Variants in KLF16 observed in about 807,000 individuals in gnomAD.
The protein encoded by KLF16 is KLF transcription factor 16.
Under a neutral mutation model 6.1 loss-of-function variants are expected in KLF16, and 6 were observed. The observed-to-expected ratio is 0.98, with a 90% CI of 0.54 to 1.93. The LOEUF is 1.93. KLF16 is among the 30% of genes most tolerant of loss of function. The pLI is 0.01. For synonymous variants in KLF16, 211 were observed against 176.5 expected, an observed-to-expected ratio of 1.20 and a Z score of -1.55; for missense variants, 355 against 363.8, an observed-to-expected ratio of 0.98 and a Z score of 0.20.
At position 1,857,851 on chromosome 19, in the gene KLF16, C is replaced by CTCCT. The variant is rs2011986512; in HGVS notation, c.458-3095_458-3092dup. Among the ~76,000 whole-genome samples, 1 of 152,036 alleles carries CTCCT rather than the reference C, an allele frequency of 6.6e-6. No homozygotes were observed. Among genetic ancestry groups the CTCCT allele is most frequent in the African/African-American group, 2.4e-5 (1 of 41,394 alleles). On this transcript the variant is annotated intron_variant, in intron 1 of 1. Coordinates refer to ENST00000250916, the MANE Select transcript of KLF16 (RefSeq NM_031918.4). The surrounding 1 kb of genome is among the most constrained non-coding windows in gnomAD (Gnocchi z 4.7). ...CTTACCCACCCAGGGAAGGGAGGAGCTCCTGAAGGTGATCCTTGAGCAGGT... is the reference window on the plus strand; with the variant it reads ...CTTACCCACCCAGGGAAGGGAGGAGCTCCTTCCTGAAGGTGATCCTTGAGCAGGT...
chr19:1,865,004 C>T (rs2012163448), upstream of KLF16, among the ~76,000 whole-genome samples: 2 of 152,220 alleles, frequency 1.3e-5, no homozygotes, highest in African/African-American at 4.8e-5. Context: ...CTTCTCTAGC[C>T]CCATCCCCCG....
At chr19:1,859,969 G>T (rs1296559720) in intron 1 of KLF16, among the ~76,000 whole-genome samples, 1 of 152,096 alleles carries the variant, frequency 6.6e-6, no homozygotes, top group African/African-American at 2.4e-5. Flanking sequence ...CCCAGAAAAC[G>T]ATCAGGCCCC....
chr19:1,864,922 G>A, upstream of KLF16, among the ~76,000 whole-genome samples: 1 of 152,224 alleles, frequency 6.6e-6, no homozygotes, highest in East Asian at 1.9e-4. Context: ...TCCAGGGGGC[G>A]GAGCTGCTTT....
Position 1,858,848 on chromosome 19 carries a change from G to T in KLF16, c.458-4088C>A, listed in dbSNP as rs550232184. On this transcript the variant is annotated intron_variant, in intron 1 of 1. Coordinates refer to ENST00000250916, the MANE Select transcript of KLF16 (RefSeq NM_031918.4). ...TGTTCCAGAAATGGTCTAAGCCAGG[G>T]TGGTGCCCCCCGCCCCCACAGCTCA... 5.3e-5 allele frequency among the ~76,000 whole-genome samples: 8 copies of T among 152,118 alleles called. No homozygotes were observed. In the East Asian group the frequency reaches 1.6e-3, roughly 29 times the overall value.
Position 1,863,423 on chromosome 19 carries a change from C to A in KLF16, c.75G>T (p.Val25=), listed in dbSNP as rs2012115337. Residue 25 remains valine (V), a synonymous_variant, in exon 1 of 2, where the codon GTG becomes GTT. Transcript: ENST00000250916. ...VLMAISSGAV[V]HRGRPGPEGA... is the part of the protein sequence containing the mutation. ...CCTCGGGGCCGGGCCGCCCGCGGTG[C>A]ACCACGGCGCCCGAAGAGATGGCCA... 25 of 1,019,288 alleles carry A rather than the reference C, an allele frequency of 2.5e-5. No homozygotes were observed. The highest frequency in any genetic ancestry group is 2.8e-5 in the Non-Finnish European group (24 of 852,756). The allele number at this position is 1,019,288 out of a possible 1,614,324, so 63.1% of individuals were successfully genotyped here.
chr19:1,876,134 A>G, the KLF16 span: 1 of 152,868 alleles, frequency 6.5e-6, no homozygotes, highest in South Asian at 2.0e-4. Context: ...CTTCGTCCAC[A>G]GCCTGACGCC....
chr19:1,865,349 TG>T (rs34501414), upstream of KLF16, among the ~76,000 whole-genome samples: 2 of 152,240 alleles, frequency 1.3e-5, no homozygotes, highest in African/African-American at 4.8e-5. Context: ...ATGGGCCACT[TG>T]GGCAGGTCCC....
At chr19:1,875,649 T>G in the KLF16 span, 1 of 152,252 alleles carries the variant, frequency 6.6e-6, no homozygotes, top group Non-Finnish European at 1.5e-5. Context: ...GAGTCCCAGC[T>G]CGCAGGGAGC....
At chr19:1,874,973 T>C in the KLF16 span, 15 of 152,292 alleles carry the variant, frequency 9.8e-5, no homozygotes, top group South Asian at 3.1e-3. Flanking sequence ...AACATAGATG[T>C]AACAGGAACA....
chr19:1,863,729 G>A (rs1481882324), upstream of KLF16, among the ~76,000 whole-genome samples: 5 of 141,116 alleles, frequency 3.5e-5, no homozygotes, highest in Non-Finnish European at 7.8e-5. Flanking sequence ...CGCCCCCTCG[G>A]GGCGCCGCAG....
chr19:1,859,527 G>C (rs2012020641), intron 1 of KLF16, among the ~76,000 whole-genome samples: 1 of 151,992 alleles, frequency 6.6e-6, no homozygotes, highest in Non-Finnish European at 1.5e-5. Flanking sequence ...ATTAAGTGCA[G>C]GGATTCACCT....
At chr19:1,867,079 G>T (rs545683627), upstream of KLF16, among the ~76,000 whole-genome samples, 1 of 152,356 alleles carries the variant, frequency 6.6e-6, no homozygotes, top group South Asian at 2.1e-4. Flanking sequence ...ACAGCACCCA[G>T]GTGTTGCTGG....
At position 1,857,015 on chromosome 19, in the gene KLF16, TCGGCGG is replaced by T. The variant is rs376550665; in HGVS notation, c.458-2261_458-2256del. Reference sequence around the variant, plus strand: ...TGGGAACACAGCTGCCGCACGTAGCTCGGCGGCGGCGGCGGGGACATCCGCAGCCCC... The same window carrying T: ...TGGGAACACAGCTGCCGCACGTAGCTCGGCGGCGGGGACATCCGCAGCCCC... On this transcript the variant is annotated intron_variant, in intron 1 of 1. Transcript: ENST00000250916. The surrounding 1 kb of genome is among the most constrained non-coding windows in gnomAD (Gnocchi z 4.7). Among the ~76,000 whole-genome samples the T allele has an allele frequency of 2.2e-5, 3 of 138,978 alleles. No homozygotes were observed. The Admixed American group carries it at 2.3e-4, about 10-fold the overall frequency. The allele number at this position is 138,978 out of a possible 152,430, so 91.2% of individuals were successfully genotyped here.
rs1181637081 is a variant in KLF16, at chr19:1,853,064, C to T, written c.*1395G>A. 3 of 152,202 alleles carry T rather than the reference C, an allele frequency of 2.0e-5. No individual in the cohort carries two copies. The highest frequency in any genetic ancestry group is 4.4e-5 in the Non-Finnish European group (3 of 68,076). The allele number at this position is 152,202 out of a possible 1,614,324, so 9.4% of individuals were successfully genotyped here. A position where few individuals can be genotyped will look rare whatever the true frequency, so the allele number is the denominator to read the frequency against. On this transcript the variant is annotated 3_prime_UTR_variant, in exon 2 of 2. Transcript: ENST00000250916. ...CTGACATGGAACCGGGGACCCTTCT[C>T]ATTCCAGGCTGGGGGTCCTCAATAC...
chr19:1,863,617 G>GCGC (rs977599275), upstream of KLF16: 7 of 255,672 alleles, frequency 2.7e-5, no homozygotes, highest in East Asian at 1.9e-4. Context: ...GGCCCGGCGC[G>GCGC]CGCCGCCGCC....
upstream of KLF16, chr19:1,863,596 G>T: frequency 2.4e-6 from 1 of 408,802 alleles, no homozygotes; most frequent in Non-Finnish European, 3.3e-6. Flanking sequence ...GGCGGAGGAG[G>T]AGGAGGAGGA....
rs550611258 is a variant in KLF16, at chr19:1,857,903, C to T, written c.458-3143G>A. Among the ~76,000 whole-genome samples the T allele has an allele frequency of 3.9e-5, 6 of 152,068 alleles. No individual in the cohort carries two copies. Among genetic ancestry groups the T allele is most frequent in the Non-Finnish European group, 7.4e-5 (5 of 67,992 alleles). ...CTATAGAACCTATAGGCAGCTGCTTCTGGGAGCCGCTGCAGAAAAGGGGGA... is the reference window on the plus strand; with the variant it reads ...CTATAGAACCTATAGGCAGCTGCTTTTGGGAGCCGCTGCAGAAAAGGGGGA... On this transcript the variant is annotated intron_variant, in intron 1 of 1. Transcript: ENST00000250916. This position sits in a 1 kb window ranked among gnomAD's most constrained non-coding sequence, Gnocchi z 4.7.
rs938170348 is a variant in KLF16 at position 1,857,091 on chromosome 19, G to A, written c.458-2331C>T. ...GTCCCACTCCCGCCGGGGCCAGGGGGCCCGGGCCAGGGTCGCCTCTCCGGC... is the reference window on the plus strand; with the variant it reads ...GTCCCACTCCCGCCGGGGCCAGGGGACCCGGGCCAGGGTCGCCTCTCCGGC... On this transcript the variant is annotated intron_variant, in intron 1 of 1. Coordinates refer to ENST00000250916, the MANE Select transcript of KLF16 (RefSeq NM_031918.4). This position sits in a 1 kb window ranked among gnomAD's most constrained non-coding sequence, Gnocchi z 4.7. Among the ~76,000 whole-genome samples the A allele has an allele frequency of 4.0e-5, 6 of 151,870 alleles. No homozygotes were observed. The highest frequency in any genetic ancestry group is 7.4e-5 in the Non-Finnish European group (5 of 67,930).
chr19:1,863,402 G>C lies in KLF16; in HGVS notation c.96C>G (p.Pro32=), dbSNP rs1054151358. ...GAVVHRGRPG[P]EGAGPAAGLD... ...GGCCGGCGGCGGGGCCCGCGCCCTC[G>C]GGGCCGGGCCGCCCGCGGTGCACCA... Residue 32 remains proline (P), a synonymous_variant, in exon 1 of 2, where the codon CCC becomes CCG. Transcript: ENST00000250916. The C allele has an allele frequency of 4.4e-4, 439 of 987,816 alleles. 4 individuals carry two copies. In the East Asian group the frequency reaches 0.024, roughly 53 times the overall value. The allele number at this position is 987,816 out of a possible 1,614,324, so 61.2% of individuals were successfully genotyped here.
Sources: allele counts gnomAD v4.1 joint callset (sites outside exome capture counted in the v4.1 genomes callset), GRCh38; gene constraint gnomAD v4.1.1; non-coding constraint Gnocchi (gnomAD v3.1); transcripts MANE v1.5; gene names NCBI Gene and HGNC (gene_info 2026-07-23, HGNC 2026-07-21).